PPM1L: variants seen among roughly 807,000 people sequenced by gnomAD.
PPM1L encodes protein phosphatase, Mg2+/Mn2+ dependent 1L.
Under a neutral mutation model 31.4 loss-of-function variants are expected in PPM1L, and 13 were observed. The ratio of observed to expected loss-of-function variants is 0.41; its 90% CI spans 0.27 to 0.66. The LOEUF is 0.66. PPM1L is among the 30% of genes least tolerant of loss of function. The probability of loss-of-function intolerance (pLI) is 0.29; values close to 1 mark genes in which losing one functional copy is unlikely to be tolerated. For missense variants in PPM1L, 326 were observed against 453.7 expected, an observed-to-expected ratio of 0.72 and a Z score of 2.56; for synonymous variants, 184 against 175.4, an observed-to-expected ratio of 1.05 and a Z score of -0.39.
chr3:160,818,285 G>A (rs1196693493), intron 1 of PPM1L, among the ~76,000 whole-genome samples: 6 of 151,946 alleles, frequency 3.9e-5, no homozygotes, highest in African/African-American at 7.2e-5. Context: ...TGAAACCAGC[G>A]TAAACTTAAC....
chr3:160,772,749 C>CATT (rs1233861290), intron 1 of PPM1L, among the ~76,000 whole-genome samples: 5 of 152,136 alleles, frequency 3.3e-5, no homozygotes, highest in Non-Finnish European at 5.9e-5. Context: ...TCTAGGCAAC[C>CATT]ATTAATCTAC....
chr3:160,803,940 C>T (rs936445294), intron 1 of PPM1L, among the ~76,000 whole-genome samples: 4 of 152,140 alleles, frequency 2.6e-5, no homozygotes, highest in Admixed American at 1.3e-4. Context: ...TTTTTTGAGA[C>T]GGAGTCTCGC....
chr3:161,001,322 G>A (rs977187690), intron 2 of PPM1L, among the ~76,000 whole-genome samples: 6 of 151,972 alleles, frequency 3.9e-5, no homozygotes, highest in South Asian at 2.1e-4. Context: ...TCACTCTGTC[G>A]CCAGGCTGGA....
At chr3:160,902,532 T>C (rs1713580262) in intron 1 of PPM1L, among the ~76,000 whole-genome samples, 1 of 152,080 alleles carries the variant, frequency 6.6e-6, no homozygotes, top group Non-Finnish European at 1.5e-5. Context: ...TCTAGAGAAA[T>C]GGTTTACAAG....
intron 1 of PPM1L, chr3:160,842,081 C>A: frequency 1.9e-6 from 1 of 540,364 alleles, no homozygotes; most frequent in Non-Finnish European, 3.3e-6. Flanking sequence ...TATGATGAGC[C>A]CCAGATGAGT....
intron 1 of PPM1L, among the ~76,000 whole-genome samples, chr3:160,777,121 A>C (rs1277469648): frequency 6.6e-6 from 1 of 151,882 alleles, no homozygotes; most frequent in Non-Finnish European, 1.5e-5. Flanking sequence ...CCAGGAGTTC[A>C]AGACCAGCCT....
chr3:160,937,574 C>T (rs995239493), intron 1 of PPM1L, among the ~76,000 whole-genome samples: 4 of 151,968 alleles, frequency 2.6e-5, no homozygotes, highest in Non-Finnish European at 5.9e-5. Context: ...GAGCCGAGAT[C>T]GCGCCACTGC....
intron 2 of PPM1L, among the ~76,000 whole-genome samples, chr3:161,009,615 A>G (rs1717824651): frequency 6.6e-6 from 1 of 152,148 alleles, no homozygotes; most frequent in South Asian, 2.1e-4. Flanking sequence ...TATTGATTTC[A>G]CTTGTTATTG....
intron 1 of PPM1L, among the ~76,000 whole-genome samples, chr3:160,832,124 A>G (rs1713540873): frequency 1.3e-5 from 2 of 152,220 alleles, no homozygotes; most frequent in Non-Finnish European, 1.5e-5. Context: ...CATTTTATTC[A>G]GGGAGCTCAC....
intron 2 of PPM1L, among the ~76,000 whole-genome samples, chr3:160,982,873 G>T (rs1188823778): frequency 1.3e-5 from 2 of 152,172 alleles, no homozygotes; most frequent in Non-Finnish European, 2.9e-5. Context: ...GACTGTGATG[G>T]AACTGCAAGT....
At chr3:160,814,863 G>A (rs965573764) in intron 1 of PPM1L, among the ~76,000 whole-genome samples, 30 of 151,978 alleles carry the variant, frequency 2.0e-4, no homozygotes, top group African/African-American at 6.5e-4. Context: ...CAACTTGGAT[G>A]GAGTTGGAGA....
At chr3:161,021,474 A>G (rs1282210132) in intron 2 of PPM1L, among the ~76,000 whole-genome samples, 5 of 152,104 alleles carry the variant, frequency 3.3e-5, no homozygotes, top group African/African-American at 9.6e-5. Context: ...TGTATACCTG[A>G]TAAGAATGTA....
intron 1 of PPM1L, among the ~76,000 whole-genome samples, chr3:160,776,065 T>C (rs1354776642): frequency 6.6e-6 from 1 of 152,224 alleles, no homozygotes; most frequent in Non-Finnish European, 1.5e-5. Context: ...CACCTTTATC[T>C]AATATCTCTC....
intron 1 of PPM1L, among the ~76,000 whole-genome samples, chr3:160,823,120 C>A (rs1713251404): frequency 6.6e-6 from 1 of 152,006 alleles, no homozygotes; most frequent in Admixed American, 6.6e-5. Flanking sequence ...ATAATTTGTA[C>A]AGGCACTGGA....
intron 1 of PPM1L, among the ~76,000 whole-genome samples, chr3:160,897,066 T>G (rs1391127284): frequency 7.1e-6 from 1 of 140,446 alleles, no homozygotes; most frequent in Non-Finnish European, 1.5e-5. Flanking sequence ...TTTTTTGAGA[T>G]GGAGTCTTGC....
chr3:160,998,259 C>G (rs1000096927), intron 2 of PPM1L, among the ~76,000 whole-genome samples: 1 of 152,110 alleles, frequency 6.6e-6, no homozygotes, highest in Non-Finnish European at 1.5e-5. Flanking sequence ...AGGAGTTCAC[C>G]TGGGACTCAC....
In PPM1L at chr3:161,006,699, T is replaced by C. The variant is rs1020112323; in HGVS notation, c.574+44789T>C. ...TCTTTCCTTTTTTTTTTTTTTTTTT[T>C]TGAGACGGAGTCTTGATCTGTCGCC... On this transcript the variant is annotated intron_variant, in intron 2 of 3. Coordinates refer to ENST00000498165, the MANE Select transcript of PPM1L (RefSeq NM_139245.4). Among the ~76,000 whole-genome samples the C allele has an allele frequency of 3.6e-4, 53 of 148,846 alleles. 1 individual carries two copies. In the South Asian group the frequency reaches 9.6e-3, roughly 27 times the overall value.
intron 1 of PPM1L, among the ~76,000 whole-genome samples, chr3:160,908,242 G>A (rs904199281): frequency 3.9e-5 from 6 of 152,018 alleles, no homozygotes; most frequent in African/African-American, 1.5e-4. Flanking sequence ...TTAAGTAGTA[G>A]GCTATATTTA....
chr3:160,874,035 A>C (rs1349017407), intron 1 of PPM1L, among the ~76,000 whole-genome samples: 1 of 152,178 alleles, frequency 6.6e-6, no homozygotes, highest in Non-Finnish European at 1.5e-5. Context: ...GTTTTTGGCT[A>C]CCCAGAGTCT....
Sources: allele counts gnomAD v4.1 joint callset (sites outside exome capture counted in the v4.1 genomes callset), GRCh38; gene constraint gnomAD v4.1.1; transcripts MANE v1.5; gene names NCBI Gene and HGNC (gene_info 2026-07-23, HGNC 2026-07-21).